KMT2E: variants seen among roughly 807,000 people sequenced by gnomAD.
KMT2E encodes the protein histone reader KMT2E.
A neutral mutation model predicts 184.6 loss-of-function variants in KMT2E; 30 were observed. That is an observed-to-expected ratio of 0.16 (90% CI 0.12 to 0.22). The LOEUF (loss-of-function observed/expected upper bound fraction) is 0.22, where lower values mean the gene tolerates loss of function less well. Ranked by LOEUF, KMT2E falls within the 10% of genes least tolerant of loss-of-function variation. The pLI, the probability that KMT2E is intolerant of heterozygous loss-of-function variation, is 1.00. For synonymous variants in KMT2E, 815 were observed against 776.5 expected (o/e 1.05, Z -0.82); for missense variants, 2,023 against 2,237.4 (o/e 0.90, Z 1.93).
At chr7:105,066,605 A>C (rs956043325) in intron 5 of KMT2E, 122 bp from the exon 6 acceptor site, 3 of 655,414 alleles carry the variant, frequency 4.6e-6, no homozygotes, top group Non-Finnish European at 7.7e-6. Flanking sequence ...TTCTCAGAGT[A>C]CCTTTTAGGA....
intron 3 of KMT2E, among the ~76,000 whole-genome samples, chr7:105,045,751 A>T (rs1474894546): frequency 6.6e-6 from 1 of 152,200 alleles, no homozygotes; most frequent in Non-Finnish European, 1.5e-5. Flanking sequence ...ACTGCTATGA[A>T]CATTGGTATA....
In KMT2E at chr7:105,105,601, C is replaced by A; in HGVS notation, c.2359C>A (p.Pro787Thr). 6.2e-7 allele frequency: 1 copy of A among 1,613,544 alleles called. No individual in the cohort carries two copies. The highest frequency in any genetic ancestry group is 8.5e-7 in the Non-Finnish European group (1 of 1,179,558). The change falls in exon 18 of 27, where the codon CCT becomes ACT. Residue 787 changes from proline to threonine, a missense_variant. Physicochemically the swap from Pro to Thr is conservative, Grantham distance 38. Coordinates refer to ENST00000311117, the MANE Select transcript of KMT2E (RefSeq NM_182931.3). ...TTACAGCCCCCATGTATACTCCACTCCTAAGCATTATATTAGATTTACTTC... is the reference window on the plus strand; with the variant it reads ...TTACAGCCCCCATGTATACTCCACTACTAAGCATTATATTAGATTTACTTC... ...LTYSPHVYST[P>T]KHYIRFTSPF...
chr7:105,032,073 C>CAAAAAAAAAAAAAAAA (rs869308527), intron 1 of KMT2E, among the ~76,000 whole-genome samples: 1 of 77,278 alleles, frequency 1.3e-5, no homozygotes, highest in Non-Finnish European at 2.4e-5. Flanking sequence ...ACTCTTATCA[C>CAAAAAAAAAAAAAAAA]AAAAAAAAAA....
intron 1 of KMT2E, among the ~76,000 whole-genome samples, chr7:105,019,035 A>AT (rs1794837044): frequency 6.6e-6 from 1 of 152,150 alleles, no homozygotes; most frequent in Non-Finnish European, 1.5e-5. Context: ...CAATTGCAAT[A>AT]TTTTTAATAG....
Position 105,032,711 on chromosome 7 carries a change from C to G in KMT2E, c.-188-5415C>G, listed in dbSNP as rs148451178. Among the ~76,000 whole-genome samples, 1,041 of 152,188 alleles carry G rather than the reference C, an allele frequency of 6.8e-3. 10 individuals carry two copies. Among genetic ancestry groups the G allele is most frequent in the Non-Finnish European group, 0.012 (828 of 67,996 alleles). ...GTAGAGACAGGGTCTTGGTTTTTTGCCCAGGCTGGCCTCAAACTCCTGGCC... is the reference window on the plus strand; with the variant it reads ...GTAGAGACAGGGTCTTGGTTTTTTGGCCAGGCTGGCCTCAAACTCCTGGCC... On this transcript the variant is annotated intron_variant, in intron 1 of 26. Coordinates refer to ENST00000311117, the MANE Select transcript of KMT2E (RefSeq NM_182931.3).
chr7:105,033,394 C>G (rs934316215), intron 1 of KMT2E, among the ~76,000 whole-genome samples: 1 of 152,104 alleles, frequency 6.6e-6, no homozygotes, highest in African/African-American at 2.4e-5. Flanking sequence ...TGTATTTTTA[C>G]CCAGTGTCTT....
In KMT2E at chr7:105,113,508, T is replaced by A; in HGVS notation, c.*175T>A. 1 of 697,296 alleles carries A rather than the reference T, an allele frequency of 1.4e-6. No homozygotes were observed. The highest frequency in any genetic ancestry group is 2.9e-5 in the East Asian group (1 of 34,936). 43.2% of individuals were successfully genotyped at this position (697,296 alleles called of 1,614,324 possible). A position where few individuals can be genotyped will look rare whatever the true frequency, so the allele number is the denominator to read the frequency against. ...TTTAAAATTCCTTTAAAAAATGTGC[T>A]GTTAAGCCAGTATTAGGTATCTTTA... is the stretch of plus-strand genomic sequence containing the variant. On this transcript the variant is annotated 3_prime_UTR_variant, in exon 27 of 27. Transcript: ENST00000311117.
At chr7:105,067,087 AAAAG>A (rs1485703020) in intron 6 of KMT2E, among the ~76,000 whole-genome samples, 148 of 150,244 alleles carry the variant, frequency 9.9e-4, no homozygotes, top group African/African-American at 3.5e-3. Context: ...AAAAAAAAGA[AAAAG>A]AAAAAAGGAG....
chr7:105,060,199 T>A (rs1384081461), intron 3 of KMT2E, among the ~76,000 whole-genome samples: 1 of 151,710 alleles, frequency 6.6e-6, no homozygotes, highest in Non-Finnish European at 1.5e-5. Flanking sequence ...TTCACCATCT[T>A]GGCCAGGCTG....
chr7:105,112,239 C>G lies in KMT2E; in HGVS notation c.4483C>G (p.Pro1495Ala), dbSNP rs775751652. The G allele has an allele frequency of 1.6e-5, 26 of 1,614,012 alleles. No homozygotes were observed. Among genetic ancestry groups the G allele is most frequent in the Non-Finnish European group, 2.1e-5 (25 of 1,180,030 alleles). ...TCAAGTTGGAACACCTCAGCGAGAG[C>G]CTCAAAGAAACTTTTATCCAGCAGC... ...SPQVGTPQREPQRNFYPAAQN... is the reference protein window; with the variant it reads ...SPQVGTPQREAQRNFYPAAQN... Residue 1495 changes from proline (P) to alanine (A), a missense_variant, in exon 27 of 27, where the codon CCT becomes GCT. Coordinates refer to ENST00000311117, the MANE Select transcript of KMT2E (RefSeq NM_182931.3).
intron 11 of KMT2E, 118 bp from the exon 12 acceptor site, chr7:105,078,727 TG>T: frequency 8.0e-6 from 3 of 374,876 alleles, no homozygotes; most frequent in Non-Finnish European, 1.5e-5. Flanking sequence ...AGGTTGGTCT[TG>T]ATCTCCTGGA....
At chr7:105,100,535 G>A (rs1357965254) in intron 15 of KMT2E, among the ~76,000 whole-genome samples, 1 of 152,202 alleles carries the variant, frequency 6.6e-6, no homozygotes, top group East Asian at 1.9e-4. Flanking sequence ...CTGGTTTAGA[G>A]CTGAAGCATC....
At chr7:105,026,913 G>T (rs780520019) in intron 1 of KMT2E, among the ~76,000 whole-genome samples, 82 of 152,166 alleles carry the variant, frequency 5.4e-4, no homozygotes, top group Middle Eastern at 3.4e-3. Flanking sequence ...AAAGTAAATA[G>T]TTCATTAAGG....
intron 12 of KMT2E, among the ~76,000 whole-genome samples, chr7:105,080,594 T>C (rs1797724216): frequency 6.6e-6 from 1 of 152,218 alleles, no homozygotes; most frequent in African/African-American, 2.4e-5. Context: ...TTACTAGCTT[T>C]TTAACCTCAG....
chr7:105,086,718 C>G (rs1264226861), intron 13 of KMT2E, among the ~76,000 whole-genome samples: 2 of 146,312 alleles, frequency 1.4e-5, no homozygotes, highest in Admixed American at 6.9e-5. Flanking sequence ...GAGCGAGACT[C>G]CATCTCAAAA....
intron 11 of KMT2E, among the ~76,000 whole-genome samples, chr7:105,077,991 T>C (rs1797600732): frequency 6.6e-6 from 1 of 152,240 alleles, no homozygotes; most frequent in Admixed American, 6.5e-5. Context: ...ATATGACCCT[T>C]TGATAGGCGT....
At position 105,102,212 on chromosome 7, in the gene KMT2E, G is replaced by GT. The variant is rs1798685095; in HGVS notation, c.2196+19dup. 2 of 1,550,180 alleles carry GT rather than the reference G, an allele frequency of 1.3e-6. No homozygotes were observed. The highest frequency in any genetic ancestry group is 4.7e-5 in the Admixed American group (2 of 42,794). On this transcript the variant is annotated intron_variant, in intron 17 of 26. Coordinates refer to ENST00000311117, the MANE Select transcript of KMT2E (RefSeq NM_182931.3). ...CAAAGAAGGTATGATTCTAATGAAT[G>GT]TAAGAACTGTTTTTCTAACAGTTTC...
intron 2 of KMT2E, 102 bp downstream of exon 2, chr7:105,038,301 C>T (rs1176150512): frequency 6.6e-6 from 1 of 152,056 alleles, no homozygotes; most frequent in Non-Finnish European, 1.5e-5. Flanking sequence ...TTGATTCACA[C>T]ATAAGATGTG....
chr7:105,065,629 C>T (rs1028026070), intron 5 of KMT2E, among the ~76,000 whole-genome samples: 1 of 152,146 alleles, frequency 6.6e-6, no homozygotes, highest in African/African-American at 2.4e-5. Context: ...AAGAGCTTAA[C>T]AACAATTGTA....
Sources: allele counts gnomAD v4.1 joint callset (sites outside exome capture counted in the v4.1 genomes callset), GRCh38; gene constraint gnomAD v4.1.1; transcripts MANE v1.5; gene names NCBI Gene and HGNC (gene_info 2026-07-23, HGNC 2026-07-21).